Variants in PCM1 observed in about 807,000 individuals in gnomAD.
The protein encoded by PCM1 is pericentriolar material 1, also known as pericentriolar material 1 protein.
In PCM1, 157 loss-of-function variants were observed where a neutral mutation model predicts 241.9. That is an observed-to-expected ratio of 0.65 (90% CI 0.57 to 0.74). The LOEUF (loss-of-function observed/expected upper bound fraction) is 0.74. Ranked by LOEUF, PCM1 falls within the 30% of genes least tolerant of loss-of-function variation. The pLI is 0.00. For synonymous variants in PCM1, 1,085 were observed against 784.9 expected (o/e 1.38, Z -6.39); for missense variants, 3,478 against 2,360.1 (o/e 1.47, Z -9.81).
chr8:18,011,123 A>G, intron 32 of PCM1, 114 bp from the exon 33 acceptor site: 1 of 642,712 alleles, frequency 1.6e-6, no homozygotes, highest in Non-Finnish European at 2.3e-6. Context: ...ACTATCAAAA[A>G]TGGTTCTTTG....
chr8:17,965,867 T>C, intron 18 of PCM1, 132 bp from the exon 19 acceptor site: 1 of 612,080 alleles, frequency 1.6e-6, no homozygotes, highest in Non-Finnish European at 2.8e-6. Context: ...CTCTATATTT[T>C]TTAATACTTT....
At chr8:17,962,944 T>A in intron 16 of PCM1, 157 bp from the exon 17 acceptor site, 1 of 566,470 alleles carries the variant, frequency 1.8e-6, no homozygotes, top group Admixed American at 3.6e-5. Context: ...TAATCATAAC[T>A]ATATTATTAT....
chr8:17,936,073 C>G (rs1477564957), intron 3 of PCM1, among the ~76,000 whole-genome samples: 1 of 152,164 alleles, frequency 6.6e-6, no homozygotes, highest in African/African-American at 2.4e-5. Context: ...TCTTTACAGA[C>G]CAGTTTTCTC....
At chr8:18,022,912 G>A (rs148035193) in intron 36 of PCM1, among the ~76,000 whole-genome samples, 26 of 152,300 alleles carry the variant, frequency 1.7e-4, no homozygotes, top group African/African-American at 5.3e-4. Context: ...TTTAAGATCA[G>A]TATTCAGGGC....
chr8:17,988,057 G>A (rs887587379), intron 26 of PCM1, among the ~76,000 whole-genome samples: 2 of 151,726 alleles, frequency 1.3e-5, no homozygotes, highest in African/African-American at 4.8e-5. Context: ...GGGAATCTGG[G>A]AGCTGTAAGT....
rs1394636856 is a variant in PCM1, at chr8:17,938,745, C to T, written c.348C>T (p.Ser116=). 3.7e-6 allele frequency: 6 copies of T among 1,607,892 alleles called. No homozygotes were observed. Among genetic ancestry groups the T allele is most frequent in the East Asian group, 2.2e-5 (1 of 44,832 alleles). ...GATTTCTTTTTCATATATAGAGAAG[C>T]ATTGGAAGTGATTCCCAAGGTAGAG... ...RINFSDLDQR[S]IGSDSQGRAT... is the part of the protein sequence containing the mutation. The change falls in exon 5 of 39, where the codon AGC becomes AGT. Residue 116 remains serine (S), a synonymous_variant. Transcript: ENST00000325083.
intron 23 of PCM1, among the ~76,000 whole-genome samples, chr8:17,975,999 C>T (rs979240905): frequency 6.6e-6 from 1 of 152,180 alleles, no homozygotes; most frequent in Non-Finnish European, 1.5e-5. Flanking sequence ...AGATTTTCTT[C>T]ACTCTTTTCT....
intron 30 of PCM1, among the ~76,000 whole-genome samples, chr8:18,008,293 G>A (rs1170613327): frequency 6.6e-6 from 1 of 151,882 alleles, no homozygotes; most frequent in Non-Finnish European, 1.5e-5. Context: ...AGGGATCTAG[G>A]TTACATGCTC....
intron 3 of PCM1, 137 bp downstream of exon 3, chr8:17,935,843 A>G (rs1296346141): frequency 6.2e-6 from 3 of 484,578 alleles, no homozygotes; most frequent in African/African-American, 5.9e-5. Flanking sequence ...TGGGCCGTTT[A>G]TTATATTAAT....
chr8:18,014,837 C>T lies in PCM1; in HGVS notation c.5838C>T (p.Asp1946=). ...CTGAATCTCCAGTGTTAGTGAATGA[C>T]TATGTATGTATCATTTACATTTCCA... ...PDTESPVLVN[D]YEAESGNISQ... The change falls in exon 36 of 39, where the codon GAC becomes GAT. Residue 1946 remains aspartate, a synonymous_variant. Coordinates refer to ENST00000325083, the MANE Select transcript of PCM1 (RefSeq NM_006197.4). 2 of 1,591,334 alleles carry T rather than the reference C, an allele frequency of 1.3e-6. No homozygotes were observed. The highest frequency in any genetic ancestry group is 1.7e-6 in the Non-Finnish European group (2 of 1,172,620).
chr8:17,956,093 CGTT>C (rs1425726604), intron 10 of PCM1: 4 of 207,940 alleles, frequency 1.9e-5, no homozygotes, highest in Middle Eastern at 1.9e-3. Flanking sequence ...CATTAAAAAA[CGTT>C]GGCGCAGTTC....
At chr8:18,011,451 A>C (rs2092492319) in intron 33 of PCM1, 85 bp downstream of exon 33, 1 of 1,259,406 alleles carries the variant, frequency 7.9e-7, no homozygotes, top group Non-Finnish European at 1.1e-6. Flanking sequence ...TGTAACAAGT[A>C]TAAAATTAAG....
In PCM1 at chr8:17,980,685, A is replaced by G; in HGVS notation, c.4038A>G (p.Val1346=). Reference sequence around the variant, plus strand: ...CTGAAGAGCCTGTTCAAGCAAAAGTATTCAGCAGAAAGAATCATGAGCAAC... The same window carrying G: ...CTGAAGAGCCTGTTCAAGCAAAAGTGTTCAGCAGAAAGAATCATGAGCAAC... ...AQTEEPVQAK[V]FSRKNHEQLE... Residue 1346 remains valine, a synonymous_variant, in exon 24 of 39, where the codon GTA becomes GTG. Transcript: ENST00000325083. The G allele has an allele frequency of 3.1e-6, 5 of 1,613,336 alleles. No individual in the cohort carries two copies. The highest frequency in any genetic ancestry group is 1.3e-5 in the African/African-American group (1 of 75,054).
intron 5 of PCM1, 156 bp downstream of exon 5, chr8:17,939,165 ATAGAG>A (rs2061307880): frequency 3.0e-6 from 2 of 673,468 alleles, no homozygotes; most frequent in African/African-American, 3.6e-5. Flanking sequence ...TTTACTTAAA[ATAGAG>A]TAAATTTCTG....
intron 6 of PCM1, among the ~76,000 whole-genome samples, chr8:17,946,745 C>T (rs531347870): frequency 3.9e-4 from 60 of 152,188 alleles, no homozygotes; most frequent in African/African-American, 1.2e-3. Context: ...CTGCCCACCT[C>T]GGCCTCCCGA....
intron 24 of PCM1, among the ~76,000 whole-genome samples, chr8:17,984,036 A>G (rs1482508124): frequency 1.3e-5 from 2 of 152,102 alleles, no homozygotes; most frequent in East Asian, 3.8e-4. Flanking sequence ...AAAGCTAATA[A>G]ATTTCAGTTC....
chr8:18,011,487 T>G (rs2092499701), intron 33 of PCM1, 121 bp downstream of exon 33: 1 of 1,084,092 alleles, frequency 9.2e-7, no homozygotes, highest in Non-Finnish European at 1.3e-6. Flanking sequence ...ATTTTGAATT[T>G]CACTGTGACC....
intron 6 of PCM1, among the ~76,000 whole-genome samples, chr8:17,945,718 C>G (rs1489879341): frequency 2.0e-5 from 3 of 152,148 alleles, no homozygotes; most frequent in Admixed American, 6.6e-5. Flanking sequence ...AAGGGAGTTT[C>G]TCTTGAGCCC....
At chr8:17,945,705 C>A (rs1206111727) in intron 6 of PCM1, among the ~76,000 whole-genome samples, 3 of 152,118 alleles carry the variant, frequency 2.0e-5, no homozygotes, top group African/African-American at 7.2e-5. Context: ...GGATGTCACC[C>A]AGAAGGGAGT....
Sources: allele counts gnomAD v4.1 joint callset (sites outside exome capture counted in the v4.1 genomes callset), GRCh38; gene constraint gnomAD v4.1.1; transcripts MANE v1.5; gene names NCBI Gene and HGNC (gene_info 2026-07-23, HGNC 2026-07-21).